The following GRIA1 variants were observed in gnomAD, a reference collection of about 807,000 sequenced individuals.
GRIA1 encodes the protein glutamate receptor 1.
In GRIA1, 31 loss-of-function variants were observed where a neutral mutation model predicts 99.2. The ratio of observed to expected loss-of-function variants is 0.31; its 90% CI spans 0.23 to 0.42. The LOEUF (loss-of-function observed/expected upper bound fraction) is 0.42. Ranked by LOEUF, GRIA1 falls within the 10% of genes least tolerant of loss-of-function variation. The pLI is 1.00. For synonymous variants in GRIA1, 438 were observed against 432.4 expected (o/e 1.01, Z -0.16); for missense variants, 782 against 1,157.5 (o/e 0.68, Z 4.71).
intron 2 of GRIA1, among the ~76,000 whole-genome samples, chr5:153,506,812 C>G (rs1243090206): frequency 2.0e-5 from 3 of 152,132 alleles, no homozygotes; most frequent in Non-Finnish European, 2.9e-5. Context: ...CTTCCTTACT[C>G]CAAGATCACT....
chr5:153,812,185 A>C lies in GRIA1; in HGVS notation c.*960A>C, dbSNP rs1299030616. 6.6e-6 allele frequency: 1 copy of C among 152,120 alleles called. No individual in the cohort carries two copies. The highest frequency in any genetic ancestry group is 1.5e-5 in the Non-Finnish European group (1 of 68,032). The allele number at this position is 152,120 out of a possible 1,614,324, so 9.4% of individuals were successfully genotyped here. A position where few individuals can be genotyped will look rare whatever the true frequency, so the allele number is the denominator to read the frequency against. On this transcript the variant is annotated 3_prime_UTR_variant, in exon 16 of 16. Coordinates refer to ENST00000285900, the MANE Select transcript of GRIA1 (RefSeq NM_000827.4). ...GATAACAGCCAGGGAGATATTGCCCATGATTCTCACTTTTTCTTTGCCTGG... is the reference window on the plus strand; with the variant it reads ...GATAACAGCCAGGGAGATATTGCCCCTGATTCTCACTTTTTCTTTGCCTGG...
intron 2 of GRIA1, among the ~76,000 whole-genome samples, chr5:153,645,943 G>A (rs138795247): frequency 4.6e-3 from 701 of 152,292 alleles, no homozygotes; most frequent in Non-Finnish European, 7.1e-3. Flanking sequence ...ATCCACCTTG[G>A]AAGGGCAATT....
chr5:153,578,507 G>A (rs181756525), intron 2 of GRIA1, among the ~76,000 whole-genome samples: 2 of 152,270 alleles, frequency 1.3e-5, no homozygotes, highest in Admixed American at 1.3e-4. Context: ...AACAGATGAG[G>A]CAGTGCTTGA....
At chr5:153,710,132 C>T (rs1007882030) in intron 11 of GRIA1, among the ~76,000 whole-genome samples, 6 of 151,418 alleles carry the variant, frequency 4.0e-5, no homozygotes, top group African/African-American at 1.5e-4. Flanking sequence ...ATCACTTCAG[C>T]TATGATCACA....
chr5:153,641,289 A>G (rs1753763284), intron 2 of GRIA1, among the ~76,000 whole-genome samples: 1 of 152,122 alleles, frequency 6.6e-6, no homozygotes, highest in African/African-American at 2.4e-5. Flanking sequence ...ATGAAGTGAC[A>G]ATAAAAAAGG....
In GRIA1 at chr5:153,607,042, G is replaced by GATATATATATAT. The variant is rs59233877; in HGVS notation, c.221-39870_221-39859dup. Among the ~76,000 whole-genome samples, 442 of 127,728 alleles carry GATATATATATAT rather than the reference G, an allele frequency of 3.5e-3. 1 individual carries two copies. The highest frequency in any genetic ancestry group is 7.9e-3 in the African/African-American group (274 of 34,638). The allele number at this position is 127,728 out of a possible 152,430, so 83.8% of individuals were successfully genotyped here. ...AGAATGATATAAACATATCACAAAAGATATATATATATATATATATATATA... is the reference window on the plus strand; with the variant it reads ...AGAATGATATAAACATATCACAAAAGATATATATATATATATATATATATATATATATATATA... On this transcript the variant is annotated intron_variant, in intron 2 of 15. Transcript: ENST00000285900.
rs72800731 is a variant in GRIA1, at chr5:153,520,406, G to T, written c.220+26341G>T. Among the ~76,000 whole-genome samples, 201 of 152,286 alleles carry T rather than the reference G, an allele frequency of 1.3e-3. 2 individuals are homozygous for T. Among genetic ancestry groups the T allele is most frequent in the East Asian group, 2.3e-3 (12 of 5,182 alleles). On this transcript the variant is annotated intron_variant, in intron 2 of 15. Transcript: ENST00000285900. ...CAAATTATTTACCAAATCAAAAGTT[G>T]CCAGATTCAAGATTCTCTGCAGTTC...
At chr5:153,683,837 T>C (rs1423148758) in intron 7 of GRIA1, among the ~76,000 whole-genome samples, 1 of 152,210 alleles carries the variant, frequency 6.6e-6, no homozygotes, top group Non-Finnish European at 1.5e-5. Context: ...TGCTAAGTAC[T>C]TCTTGGAGGA....
chr5:153,552,663 G>A (rs17518278), intron 2 of GRIA1, among the ~76,000 whole-genome samples: 70,877 of 151,742 alleles, frequency 0.47, 18,276 homozygotes, highest in Non-Finnish European at 0.59. Context: ...CCAGTACCTT[G>A]GAAGAATACT....
intron 14 of GRIA1, among the ~76,000 whole-genome samples, chr5:153,799,190 T>C (rs1765841740): frequency 6.6e-6 from 1 of 152,104 alleles, no homozygotes; most frequent in African/African-American, 2.4e-5. Flanking sequence ...CTCTCCCCTG[T>C]CCCCGATCAC....
chr5:153,589,343 T>C (rs1281479441), intron 2 of GRIA1, among the ~76,000 whole-genome samples: 3 of 152,194 alleles, frequency 2.0e-5, no homozygotes, highest in Non-Finnish European at 2.9e-5. Context: ...TCTCTTCAAA[T>C]GTGAATTAAT....
At chr5:153,794,288 TCCA>T (rs1765494756) in intron 13 of GRIA1, among the ~76,000 whole-genome samples, 1 of 151,810 alleles carries the variant, frequency 6.6e-6, no homozygotes, top group African/African-American at 2.4e-5. Flanking sequence ...TGTATTAAAG[TCCA>T]CTTTGCAAAG....
chr5:153,760,695 A>G (rs1475638023), intron 11 of GRIA1, among the ~76,000 whole-genome samples: 1 of 152,166 alleles, frequency 6.6e-6, no homozygotes, highest in Non-Finnish European at 1.5e-5. Context: ...GTATGAAATA[A>G]CAAAAGACCC....
intron 2 of GRIA1, among the ~76,000 whole-genome samples, chr5:153,600,618 A>G (rs1467986079): frequency 6.6e-6 from 1 of 152,090 alleles, no homozygotes; most frequent in Non-Finnish European, 1.5e-5. Context: ...TCAGAGTGAA[A>G]AATGAACATC....
At position 153,811,246 on chromosome 5, in the gene GRIA1, T is replaced by A; in HGVS notation, c.*21T>A. The A allele has an allele frequency of 6.3e-7, 1 of 1,597,478 alleles. No homozygotes were observed. The highest frequency in any genetic ancestry group is 8.6e-7 in the Non-Finnish European group (1 of 1,165,094). ...TGTAACTGGAGCAGATGGAGACCCC[T>A]TGGGGAGCAGGCTCGGGCTCCCCAG... On this transcript the variant is annotated 3_prime_UTR_variant, in exon 16 of 16. Transcript: ENST00000285900.
chr5:153,675,179 C>A (rs1756482231), intron 6 of GRIA1, among the ~76,000 whole-genome samples: 1 of 152,216 alleles, frequency 6.6e-6, no homozygotes, highest in Admixed American at 6.5e-5. Flanking sequence ...GCAAGGGAAG[C>A]TGGAAAATGG....
At chr5:153,696,092 G>T (rs932238436) in intron 8 of GRIA1, among the ~76,000 whole-genome samples, 1 of 152,184 alleles carries the variant, frequency 6.6e-6, no homozygotes, top group African/African-American at 2.4e-5. Flanking sequence ...TGTCTGGCAT[G>T]CAGGGGGCAC....
intron 5 of GRIA1, among the ~76,000 whole-genome samples, chr5:153,667,979 T>C (rs910035478): frequency 6.6e-6 from 1 of 152,234 alleles, no homozygotes; most frequent in African/African-American, 2.4e-5. Context: ...TTACTCCCCA[T>C]CATTGTACTC....
At chr5:153,695,689 T>C (rs1302023772) in intron 8 of GRIA1, among the ~76,000 whole-genome samples, 1 of 152,212 alleles carries the variant, frequency 6.6e-6, no homozygotes, top group Non-Finnish European at 1.5e-5. Context: ...TTCTGGTTCT[T>C]CTGTCATTAG....
Sources: allele counts gnomAD v4.1 joint callset (sites outside exome capture counted in the v4.1 genomes callset), GRCh38; gene constraint gnomAD v4.1.1; transcripts MANE v1.5; gene names NCBI Gene and HGNC (gene_info 2026-07-23, HGNC 2026-07-21).